The following TSC22D2 variants were observed in gnomAD, a reference collection of about 807,000 sequenced individuals.
TSC22D2 encodes TSC22 domain family member 2.
In TSC22D2, 5 loss-of-function variants were observed where a neutral mutation model predicts 50.1. The observed-to-expected ratio is 0.10, with a 90% confidence interval of 0.05 to 0.21. The LOEUF (loss-of-function observed/expected upper bound fraction) is 0.21, where lower values mean the gene tolerates loss of function less well. Ranked by LOEUF, TSC22D2 falls within the 10% of genes least tolerant of loss-of-function variation. The pLI, the probability that TSC22D2 is intolerant of heterozygous loss-of-function variation, is 1.00. For missense variants in TSC22D2, 1,003 were observed against 1,015.5 expected (o/e 0.99, Z 0.17); for synonymous variants, 501 against 450.1 (o/e 1.11, Z -1.43).
chr3:150,408,704 G>A lies in TSC22D2; in HGVS notation c.-647G>A, dbSNP rs1719349171. 6.5e-6 allele frequency: 1 copy of A among 153,040 alleles called. No individual in the cohort carries two copies. Among genetic ancestry groups the A allele is most frequent in the Admixed American group, 6.5e-5 (1 of 15,284 alleles). 9.5% of individuals were successfully genotyped at this position (153,040 alleles called of 1,614,324 possible). A position where few individuals can be genotyped will look rare whatever the true frequency, so the allele number is the denominator to read the frequency against. On this transcript the variant is annotated 5_prime_UTR_variant, in exon 1 of 3. Transcript: ENST00000688009. Reference sequence around the variant, plus strand: ...GGGCTGAGCTCCGGCTAGAGCCGGGGAGGGAGGGCCGCCTGCCCGCGCCAC... The same window carrying A: ...GGGCTGAGCTCCGGCTAGAGCCGGGAAGGGAGGGCCGCCTGCCCGCGCCAC...
Position 150,462,323 on chromosome 3 carries a change from G to A in TSC22D2, c.*3687G>A, listed in dbSNP as rs1185536506. ...GACTTCCCCACTGACCTAGTATTTT[G>A]GCATCTATTCAGAAAGCAAGAATGA... is the stretch of plus-strand genomic sequence containing the variant. On this transcript the variant is annotated 3_prime_UTR_variant, in exon 3 of 3. Coordinates refer to ENST00000688009, the MANE Select transcript of TSC22D2 (RefSeq NM_001303264.2). 1 of 152,118 alleles carries A rather than the reference G, an allele frequency of 6.6e-6. No individual in the cohort carries two copies. The highest frequency in any genetic ancestry group is 2.4e-5 in the African/African-American group (1 of 41,408). 9.4% of individuals were successfully genotyped at this position (152,118 alleles called of 1,614,324 possible).
chr3:150,459,825 G>GT lies in TSC22D2; in HGVS notation c.*1190dup, dbSNP rs1361877329. The GT allele has an allele frequency of 2.1e-5, 1 of 47,436 alleles. No individual in the cohort carries two copies. The highest frequency in any genetic ancestry group is 3.5e-5 in the Non-Finnish European group (1 of 28,488). 2.9% of individuals were successfully genotyped at this position (47,436 alleles called of 1,614,324 possible). A position where few individuals can be genotyped will look rare whatever the true frequency, so the allele number is the denominator to read the frequency against. ...TGAGCTAGTGTACAATACACTAGTT[G>GT]TAAAAAAAAAAAAAAAAAAAAGTGA... On this transcript the variant is annotated 3_prime_UTR_variant, in exon 3 of 3. Coordinates refer to ENST00000688009, the MANE Select transcript of TSC22D2 (RefSeq NM_001303264.2).
chr3:150,453,659 G>C (rs1014803826), intron 1 of TSC22D2, among the ~76,000 whole-genome samples: 1 of 152,316 alleles, frequency 6.6e-6, no homozygotes, highest in Admixed American at 6.5e-5. Context: ...AGGTGATGCT[G>C]ATGATTCTGG....
chr3:150,408,948 A>C lies in TSC22D2; in HGVS notation c.-403A>C. 6.1e-6 allele frequency: 1 copy of C among 164,742 alleles called. No individual in the cohort carries two copies. The allele number at this position is 164,742 out of a possible 1,614,324, so 10.2% of individuals were successfully genotyped here. On this transcript the variant is annotated 5_prime_UTR_variant, in exon 1 of 3. Transcript: ENST00000688009. ...TCTTCGCCCTCCCACTCCCACCCCC[A>C]GCCAAGGCCTGCTGACCGCGCCGAG...
In TSC22D2 at chr3:150,461,258, C is replaced by T. The variant is rs534674457; in HGVS notation, c.*2622C>T. 1 of 152,298 alleles carries T rather than the reference C, an allele frequency of 6.6e-6. No individual in the cohort carries two copies. Among genetic ancestry groups the T allele is most frequent in the East Asian group, 1.9e-4 (1 of 5,180 alleles). The allele number at this position is 152,298 out of a possible 1,614,324, so 9.4% of individuals were successfully genotyped here. On this transcript the variant is annotated 3_prime_UTR_variant, in exon 3 of 3. Coordinates refer to ENST00000688009, the MANE Select transcript of TSC22D2 (RefSeq NM_001303264.2). The stretch of plus-strand genomic sequence containing the variant: ...CTGCTTTCCCATCATCCCCTCCCCT[C>T]AAAATCCAAACTATCCCTACTGTCA...
rs1489329190 is a variant in TSC22D2, at chr3:150,462,736, C to G, written c.*4100C>G. 4 of 149,816 alleles carry G rather than the reference C, an allele frequency of 2.7e-5. No homozygotes were observed. In the Admixed American group the frequency reaches 2.7e-4, roughly 10 times the overall value. The allele number at this position is 149,816 out of a possible 1,614,324, so 9.3% of individuals were successfully genotyped here. A position where few individuals can be genotyped will look rare whatever the true frequency, so the allele number is the denominator to read the frequency against. On this transcript the variant is annotated 3_prime_UTR_variant, in exon 3 of 3. Transcript: ENST00000688009. Reference sequence around the variant, plus strand: ...GCAACCTCCGCCTCCCAGGTTCAAGCGATTCTCCTGCCTCAGCCTCCTGAG... The same window carrying G: ...GCAACCTCCGCCTCCCAGGTTCAAGGGATTCTCCTGCCTCAGCCTCCTGAG...
intron 1 of TSC22D2, among the ~76,000 whole-genome samples, chr3:150,437,938 A>T (rs1402183113): frequency 2.0e-5 from 3 of 152,176 alleles, no homozygotes; most frequent in Non-Finnish European, 4.4e-5. Flanking sequence ...ATGGTGTTAA[A>T]TCATAATTTC....
At chr3:150,412,969 C>G (rs1719648673) in intron 1 of TSC22D2, among the ~76,000 whole-genome samples, 1 of 152,006 alleles carries the variant, frequency 6.6e-6, no homozygotes, top group Non-Finnish European at 1.5e-5. Flanking sequence ...GAAATGATGA[C>G]TGGTTTCCTG....
chr3:150,454,834 C>T (rs1559851654), intron 1 of TSC22D2, among the ~76,000 whole-genome samples: 1 of 152,078 alleles, frequency 6.6e-6, no homozygotes, highest in Non-Finnish European at 1.5e-5. Context: ...ACCTTGCAAA[C>T]CTGTTTCTTC....
chr3:150,445,011 G>A (rs557642993), intron 1 of TSC22D2, among the ~76,000 whole-genome samples: 6 of 151,958 alleles, frequency 3.9e-5, no homozygotes, highest in Non-Finnish European at 7.4e-5. Context: ...CACTACTAAA[G>A]GAAGACCTGG....
chr3:150,450,445 G>A (rs1443808124), intron 1 of TSC22D2, among the ~76,000 whole-genome samples: 1 of 151,680 alleles, frequency 6.6e-6, no homozygotes, highest in African/African-American at 2.4e-5. Context: ...AATCTCTATG[G>A]GGCATTTTGG....
intron 1 of TSC22D2, among the ~76,000 whole-genome samples, chr3:150,436,184 C>T (rs1265470411): frequency 1.3e-5 from 2 of 152,074 alleles, no homozygotes; most frequent in African/African-American, 4.8e-5. Context: ...ACGTATACAG[C>T]TCTAAAGTCC....
chr3:150,413,266 T>TA (rs1719658914), intron 1 of TSC22D2, among the ~76,000 whole-genome samples: 1 of 152,262 alleles, frequency 6.6e-6, no homozygotes, highest in Non-Finnish European at 1.5e-5. Flanking sequence ...GAACTACAGA[T>TA]ACTACTGTAT....
intron 1 of TSC22D2, among the ~76,000 whole-genome samples, chr3:150,427,820 CTCCT>C (rs1244311924): frequency 6.6e-6 from 1 of 151,800 alleles, no homozygotes. Flanking sequence ...TTCTCTTCCT[CTCCT>C]TCCTTCCTTT....
chr3:150,443,110 A>G (rs1246094624), intron 1 of TSC22D2, among the ~76,000 whole-genome samples: 3 of 152,196 alleles, frequency 2.0e-5, no homozygotes, highest in Non-Finnish European at 4.4e-5. Flanking sequence ...TACTTGGATC[A>G]TGTCTACAGT....
Position 150,461,354 on chromosome 3 carries a change from C to CT in TSC22D2, c.*2719dup, listed in dbSNP as rs528265549. On this transcript the variant is annotated 3_prime_UTR_variant, in exon 3 of 3. Transcript: ENST00000688009. ...TCAGCTTTGGAGATTTAGTCTCCTG[C>CT]TCCAAATAGTTGTAAATATTAACTG... 37 of 152,250 alleles carry CT rather than the reference C, an allele frequency of 2.4e-4. No homozygotes were observed. The highest frequency in any genetic ancestry group is 8.7e-4 in the African/African-American group (36 of 41,540). The allele number at this position is 152,250 out of a possible 1,614,324, so 9.4% of individuals were successfully genotyped here. A position where few individuals can be genotyped will look rare whatever the true frequency, so the allele number is the denominator to read the frequency against.
chr3:150,457,445 G>A (rs1350347938), intron 2 of TSC22D2, among the ~76,000 whole-genome samples: 1 of 151,992 alleles, frequency 6.6e-6, no homozygotes, highest in Non-Finnish European at 1.5e-5. Context: ...ACTTTAGAGT[G>A]AAAAAGAGTA....
intron 1 of TSC22D2, among the ~76,000 whole-genome samples, chr3:150,448,791 A>G (rs1576556441): frequency 6.6e-6 from 1 of 151,898 alleles, no homozygotes; most frequent in Admixed American, 6.6e-5. Flanking sequence ...TTTACTACCA[A>G]ATATTAAAAT....
chr3:150,453,259 GTAT>G (rs1721094264), intron 1 of TSC22D2, among the ~76,000 whole-genome samples: 1 of 152,120 alleles, frequency 6.6e-6, no homozygotes, highest in African/African-American at 2.4e-5. Context: ...AAGGTATATA[GTAT>G]TATAACATTA....
Sources: gnomAD v4.1 joint callset for allele counts (sites outside exome capture counted in the v4.1 genomes callset) on GRCh38, gnomAD v4.1.1 for gene constraint, MANE v1.5 for transcripts, NCBI Gene and HGNC (gene_info 2026-07-23, HGNC 2026-07-21) for gene names.